TNPO3: variants seen among roughly 807,000 people sequenced by gnomAD.
TNPO3 encodes transportin 3.
TNPO3 carries 65 observed loss-of-function variants against 122.8 expected under a neutral mutation model. That is an observed-to-expected ratio of 0.53 (90% CI 0.43 to 0.65). The LOEUF is 0.65. Among genes scored for constraint, TNPO3 ranks in the 30% least tolerant of loss-of-function variants. The probability of loss-of-function intolerance (pLI) is 0.00; values close to 1 mark genes in which losing one functional copy is unlikely to be tolerated. For synonymous variants in TNPO3, 372 were observed against 411.2 expected, an observed-to-expected ratio of 0.90 and a Z score of 1.15; for missense variants, 850 against 1,136.7, an observed-to-expected ratio of 0.75 and a Z score of 3.63.
chr7:129,008,574 T>C (rs1802836391), intron 4 of TNPO3, among the ~76,000 whole-genome samples: 1 of 152,174 alleles, frequency 6.6e-6, no homozygotes, highest in South Asian at 2.1e-4. Context: ...CACTAATATA[T>C]GCAATATATT....
Position 128,967,412 on chromosome 7 carries a change from A to G in TNPO3, c.2599-20T>C, listed in dbSNP as rs759496106. ...AAAAGTCTGTATAGGAAAGAGGGGT[A>G]AGAGTTTTAAAAGGAAGCATAGCTT... On this transcript the variant is annotated intron_variant, in intron 20 of 22. Coordinates refer to ENST00000265388, the MANE Select transcript of TNPO3 (RefSeq NM_012470.4). 3 of 1,525,394 alleles carry G rather than the reference A, an allele frequency of 2.0e-6. No homozygotes were observed. Among genetic ancestry groups the G allele is most frequent in the Admixed American group, 3.3e-5 (2 of 59,880 alleles). The allele number at this position is 1,525,394 out of a possible 1,614,324, so 94.5% of individuals were successfully genotyped here. A position where few individuals can be genotyped will look rare whatever the true frequency, so the allele number is the denominator to read the frequency against.
At chr7:128,982,492 T>C (rs190767446) in intron 13 of TNPO3, among the ~76,000 whole-genome samples, 168 bp from the exon 14 acceptor site, 36 of 152,368 alleles carry the variant, frequency 2.4e-4, no homozygotes, top group African/African-American at 8.7e-4. Context: ...TTTTAATTTA[T>C]ATTGTCAAAT....
chr7:129,051,789 G>A (rs1303187545), intron 1 of TNPO3, among the ~76,000 whole-genome samples: 1 of 152,134 alleles, frequency 6.6e-6, no homozygotes, highest in Non-Finnish European at 1.5e-5. Flanking sequence ...GACTACAGGT[G>A]CGCACCACCA....
intron 4 of TNPO3, among the ~76,000 whole-genome samples, chr7:129,008,670 T>C (rs1802850498): frequency 6.6e-6 from 1 of 152,130 alleles, no homozygotes; most frequent in Non-Finnish European, 1.5e-5. Flanking sequence ...ATGAACGGAG[T>C]AACTAAGTTC....
chr7:129,048,013 G>A (rs1177838921), intron 1 of TNPO3, among the ~76,000 whole-genome samples: 1 of 152,118 alleles, frequency 6.6e-6, no homozygotes, highest in Non-Finnish European at 1.5e-5. Flanking sequence ...TTGAGCCCAG[G>A]GGCTTGAGAC....
rs528526303 is a variant in TNPO3 at position 128,994,378 on chromosome 7, G to A, written c.1159-464C>T. ...TTACCATGTTGGCCAGGCTGGTCTCGATCTCCTGACCTCAAGTCAGCTGCC... is the reference window on the plus strand; with the variant it reads ...TTACCATGTTGGCCAGGCTGGTCTCAATCTCCTGACCTCAAGTCAGCTGCC... On this transcript the variant is annotated intron_variant, in intron 8 of 22. Coordinates refer to ENST00000265388, the MANE Select transcript of TNPO3 (RefSeq NM_012470.4). 6.6e-5 allele frequency among the ~76,000 whole-genome samples: 10 copies of A among 151,806 alleles called. No homozygotes were observed. In the East Asian group the frequency reaches 1.4e-3, roughly 21 times the overall value.
At chr7:128,977,592 CTTTTTTCT>C (rs1170971996) in intron 16 of TNPO3, among the ~76,000 whole-genome samples, 6 of 86,458 alleles carry the variant, frequency 6.9e-5, no homozygotes, top group African/African-American at 1.9e-4. Context: ...TTCTTTTTTT[CTTTTTTCT>C]TTTTTTTTTT....
intron 1 of TNPO3, among the ~76,000 whole-genome samples, chr7:129,043,170 G>A (rs1356926380): frequency 1.3e-5 from 2 of 151,994 alleles, no homozygotes; most frequent in Non-Finnish European, 2.9e-5. Flanking sequence ...GGAGGCCAAG[G>A]TGGGAGGATC....
Position 128,975,866 on chromosome 7 carries a change from A to G in TNPO3, c.2131T>C (p.Tyr711His). 1 of 1,614,064 alleles carries G rather than the reference A, an allele frequency of 6.2e-7. No individual in the cohort carries two copies. The highest frequency in any genetic ancestry group is 8.5e-7 in the Non-Finnish European group (1 of 1,179,958). The change falls in exon 17 of 23, where the codon TAT becomes CAT. Residue 711 changes from tyrosine (Y) to histidine (H), a missense_variant. Tyr to His is a moderately conservative substitution (Grantham distance 83). Coordinates refer to ENST00000265388, the MANE Select transcript of TNPO3 (RefSeq NM_012470.4). ...LYLGSILVDE[Y>H]GMEEGCRQGL... ...TGCCGACAGCCTTCTTCCATGCCATATTCATCCACAAGGATACTGCCAAGG... is the reference window on the plus strand; with the variant it reads ...TGCCGACAGCCTTCTTCCATGCCATGTTCATCCACAAGGATACTGCCAAGG...
At chr7:128,991,114 C>A (rs192954626) in intron 10 of TNPO3, among the ~76,000 whole-genome samples, 8 of 152,292 alleles carry the variant, frequency 5.3e-5, no homozygotes, top group Non-Finnish European at 8.8e-5. Context: ...AATCTTCAGA[C>A]TTGTCACAGA....
At chr7:128,984,394 T>C (rs765111930) in intron 12 of TNPO3, 135 bp from the exon 13 acceptor site, 2 of 516,216 alleles carry the variant, frequency 3.9e-6, no homozygotes, top group Non-Finnish European at 6.8e-6. Context: ...CATTGTTTTT[T>C]AAAATGACAA....
In TNPO3 at chr7:128,957,204, T is replaced by TA. The variant is rs768376563; in HGVS notation, c.*31+19_*31+20insT. On this transcript the variant is annotated intron_variant, in intron 22 of 22. Transcript: ENST00000265388. ...ACAGTCCGACAGTCCGGACAAAAGC[T>TA]GGGAACTATGTATCCTCACCTGGGT... 6.2e-7 allele frequency: 1 copy of TA among 1,607,306 alleles called. No individual in the cohort carries two copies. The highest frequency in any genetic ancestry group is 8.5e-7 in the Non-Finnish European group (1 of 1,173,844).
At position 129,004,942 on chromosome 7, in the gene TNPO3, G is replaced by A. The variant is rs867180208; in HGVS notation, c.696+74C>T. The A allele has an allele frequency of 8.1e-6, 12 of 1,483,888 alleles. No individual in the cohort carries two copies. In the Middle Eastern group the frequency reaches 7.8e-4, roughly 96 times the overall value. The allele number at this position is 1,483,888 out of a possible 1,614,324, so 91.9% of individuals were successfully genotyped here. A position where few individuals can be genotyped will look rare whatever the true frequency, so the allele number is the denominator to read the frequency against. On this transcript the variant is annotated intron_variant, in intron 5 of 22. Transcript: ENST00000265388. ...AGTTACTGTGCAAAAATTTAAAAACGTTTTTATGTCCCAGCAGGTTAGTTA... is the reference window on the plus strand; with the variant it reads ...AGTTACTGTGCAAAAATTTAAAAACATTTTTATGTCCCAGCAGGTTAGTTA...
chr7:128,978,168 T>A (rs559731658), intron 16 of TNPO3, among the ~76,000 whole-genome samples: 1 of 152,356 alleles, frequency 6.6e-6, no homozygotes, highest in African/African-American at 2.4e-5. Context: ...TCAACACAAT[T>A]ACTTAGTGAC....
At chr7:129,042,725 C>T (rs1418905565) in intron 1 of TNPO3, among the ~76,000 whole-genome samples, 1 of 151,962 alleles carries the variant, frequency 6.6e-6, no homozygotes, top group African/African-American at 2.4e-5. Flanking sequence ...AACTGAGGGG[C>T]ACATAAGATA....
At chr7:129,037,676 G>A (rs1326756591) in intron 1 of TNPO3, among the ~76,000 whole-genome samples, 1 of 152,134 alleles carries the variant, frequency 6.6e-6, no homozygotes, top group African/African-American at 2.4e-5. Flanking sequence ...ATCTCTGACT[G>A]AACCCTTCCC....
intron 4 of TNPO3, among the ~76,000 whole-genome samples, chr7:129,012,618 C>A (rs1055769975): frequency 6.6e-6 from 1 of 152,158 alleles, no homozygotes; most frequent in African/African-American, 2.4e-5. Flanking sequence ...TTACCCTACC[C>A]TAAACCCTTC....
intron 1 of TNPO3, among the ~76,000 whole-genome samples, chr7:129,035,950 C>CTTTT (rs71162551): frequency 5.1e-4 from 61 of 119,882 alleles, no homozygotes; most frequent in Non-Finnish European, 7.8e-4. Context: ...CTTTTCTTTT[C>CTTTT]TTTTTTTTTT....
chr7:129,039,564 AAAAT>A (rs925328096), intron 1 of TNPO3, among the ~76,000 whole-genome samples: 7 of 152,160 alleles, frequency 4.6e-5, no homozygotes, highest in Admixed American at 3.9e-4. Flanking sequence ...TGTCTAAAAA[AAAAT>A]AAATAAATAA....
Sources: gnomAD v4.1 joint callset for allele counts (sites outside exome capture counted in the v4.1 genomes callset) on GRCh38, gnomAD v4.1.1 for gene constraint, MANE v1.5 for transcripts, NCBI Gene and HGNC (gene_info 2026-07-23, HGNC 2026-07-21) for gene names.